The following CMTM2 variants were observed in gnomAD, a reference collection of about 807,000 sequenced individuals.
CMTM2 encodes the protein CKLF-like MARVEL transmembrane domain-containing protein 2.
CMTM2 carries 15 observed loss-of-function variants against 16.8 expected under a neutral mutation model. The observed-to-expected ratio is 0.89, with a 90% CI of 0.60 to 1.37. The LOEUF (loss-of-function observed/expected upper bound fraction) is 1.37. Among genes scored for constraint, CMTM2 ranks in the 40% most tolerant of loss-of-function variants. The probability of loss-of-function intolerance (pLI) is 0.00; values close to 1 mark genes in which losing one functional copy is unlikely to be tolerated. For synonymous variants in CMTM2, 117 were observed against 118.7 expected, an observed-to-expected ratio of 0.99 and a Z score of 0.09; for missense variants, 282 against 318.0, an observed-to-expected ratio of 0.89 and a Z score of 0.86.
intron 2 of CMTM2, among the ~76,000 whole-genome samples, chr16:66,585,425 T>C (rs2014782087): frequency 6.6e-6 from 1 of 152,212 alleles, no homozygotes; most frequent in African/African-American, 2.4e-5. Flanking sequence ...TAAATCTATA[T>C]TTCTCAATGT....
intron 2 of CMTM2, among the ~76,000 whole-genome samples, chr16:66,585,040 G>A (rs1013084640): frequency 4.7e-5 from 7 of 150,310 alleles, no homozygotes; most frequent in African/African-American, 9.9e-5. Flanking sequence ...TCTGCCTCCC[G>A]GGTTCAAGTG....
intron 1 of CMTM2, 24 bp from the exon 2 acceptor site, chr16:66,580,002 T>A: frequency 1.9e-6 from 3 of 1,614,042 alleles, no homozygotes; most frequent in Non-Finnish European, 2.5e-6. Context: ...TGCTGCTGGC[T>A]CAGGTGTCTA....
intron 2 of CMTM2, among the ~76,000 whole-genome samples, chr16:66,582,491 AG>A (rs2014746906): frequency 6.6e-6 from 1 of 152,212 alleles, no homozygotes; most frequent in Non-Finnish European, 1.5e-5. Flanking sequence ...CCTTTGGTCC[AG>A]GAGTTTGAGA....
rs111755516 is a variant in CMTM2 at position 66,582,045 on chromosome 16, A to G, written c.444+1861A>G. On this transcript the variant is annotated intron_variant, in intron 2 of 3. Coordinates refer to ENST00000268595, the MANE Select transcript of CMTM2 (RefSeq NM_144673.3). ...CAAAACTACTAAACACCTGATTTTA[A>G]AAAATCCCCATTACTAAGAATCAAC... is the stretch of plus-strand genomic sequence containing the variant. Among the ~76,000 whole-genome samples the G allele has an allele frequency of 7.8e-3, 1,189 of 152,316 alleles. 20 individuals carry two copies. Among genetic ancestry groups the G allele is most frequent in the African/African-American group, 0.027 (1,139 of 41,580 alleles).
intron 2 of CMTM2, among the ~76,000 whole-genome samples, chr16:66,585,651 G>A (rs545458914): frequency 6.6e-6 from 1 of 152,252 alleles, no homozygotes; most frequent in East Asian, 1.9e-4. Context: ...GAAGCGAGGG[G>A]GCTGCAGCTC....
At position 66,581,703 on chromosome 16, in the gene CMTM2, G is replaced by A. The variant is rs935722767; in HGVS notation, c.444+1519G>A. Among the ~76,000 whole-genome samples, 3 of 152,322 alleles carry A rather than the reference G, an allele frequency of 2.0e-5. No individual in the cohort carries two copies. The South Asian group carries it at 6.2e-4, about 32-fold the overall frequency. ...ATACCCTTCTTATTCCCAACACAGAGGAATAAGAAAACATGTTCATCTCTG... is the reference window on the plus strand; with the variant it reads ...ATACCCTTCTTATTCCCAACACAGAAGAATAAGAAAACATGTTCATCTCTG... On this transcript the variant is annotated intron_variant, in intron 2 of 3. Transcript: ENST00000268595.
intron 2 of CMTM2, among the ~76,000 whole-genome samples, chr16:66,581,026 G>A (rs2014728915): frequency 6.6e-6 from 1 of 152,122 alleles, no homozygotes; most frequent in Admixed American, 6.6e-5. Flanking sequence ...TACACATGAG[G>A]AAATTGGCCT....
At chr16:66,584,319 C>G (rs181822798) in intron 2 of CMTM2, among the ~76,000 whole-genome samples, 1 of 152,130 alleles carries the variant, frequency 6.6e-6, no homozygotes, top group Non-Finnish European at 1.5e-5. Context: ...CAGGTGTGAG[C>G]CACCACACCC....
At chr16:66,586,696 A>G (rs2014796957) in intron 2 of CMTM2, among the ~76,000 whole-genome samples, 2 of 152,158 alleles carry the variant, frequency 1.3e-5, no homozygotes, top group African/African-American at 4.8e-5. Context: ...GGGAGGAGAC[A>G]TAGGCAGAAA....
At position 66,588,046 on chromosome 16, in the gene CMTM2, AG is replaced by A; in HGVS notation, c.677del (p.Gly226AlafsTer32). On this transcript the variant is annotated frameshift_variant, in exon 4 of 4. Coordinates refer to ENST00000268595, the MANE Select transcript of CMTM2 (RefSeq NM_144673.3). LOFTEE classifies it low-confidence loss of function (END_TRUNC). ...PPPGKEKGPQ[Q>X]GKGPEPAKPP... ...CCAGGAAAGGAAAAAGGACCCCAGC[AG>A]GGCAAGGGACCAGAACCCGCCAAGC... 6.2e-7 allele frequency: 1 copy of A among 1,613,826 alleles called. No individual in the cohort carries two copies. Among genetic ancestry groups the A allele is most frequent in the Non-Finnish European group, 8.5e-7 (1 of 1,180,022 alleles).
In CMTM2 at chr16:66,579,860, T is replaced by C; in HGVS notation, c.253T>C (p.Leu85=). 6.2e-7 allele frequency: 1 copy of C among 1,613,958 alleles called. No homozygotes were observed. ...LKDSNKEFWL[L]GHAEIKIRSL... Reference sequence around the variant, plus strand: ...AGACAGCAATAAAGAGTTCTGGCTCTTGGGGCACGCTGAGATCAAGATTCG... The same window carrying C: ...AGACAGCAATAAAGAGTTCTGGCTCCTGGGGCACGCTGAGATCAAGATTCG... The change falls in exon 1 of 4, where the codon TTG becomes CTG. Residue 85 remains leucine (L), a synonymous_variant. Coordinates refer to ENST00000268595, the MANE Select transcript of CMTM2 (RefSeq NM_144673.3). The surrounding 1 kb of genome is among the most constrained non-coding windows in gnomAD (Gnocchi z 6.5).
In CMTM2 at chr16:66,588,002, G is replaced by C; in HGVS notation, c.630G>C (p.Lys210Asn). Residue 210 changes from lysine (K) to asparagine (N), a missense_variant, in exon 4 of 4, where the codon AAG (lysine) becomes AAC (asparagine). Lys to Asn is a moderately conservative substitution (Grantham distance 94). Coordinates refer to ENST00000268595, the MANE Select transcript of CMTM2 (RefSeq NM_144673.3). The stretch of plus-strand genomic sequence containing the variant: ...ACTTCAGAGGCAAGAAGGCCAAAAA[G>C]CATATGCTGGTTCCTCCTCCAGGAA... ...RNHFRGKKAK[K>N]HMLVPPPGKE... is the part of the protein sequence containing the mutation. The C allele has an allele frequency of 6.2e-7, 1 of 1,614,138 alleles. No homozygotes were observed. Among genetic ancestry groups the C allele is most frequent in the Non-Finnish European group, 8.5e-7 (1 of 1,180,026 alleles).
At chr16:66,587,177 G>A in intron 3 of CMTM2, 79 bp downstream of exon 3, 7 of 1,160,430 alleles carry the variant, frequency 6.0e-6, no homozygotes, top group Middle Eastern at 1.9e-4. Flanking sequence ...TCTGTTTAAG[G>A]AAAGGGCTTC....
At position 66,579,482 on chromosome 16, in the gene CMTM2, T is replaced by G; in HGVS notation, c.-126T>G. On this transcript the variant is annotated 5_prime_UTR_variant, in exon 1 of 4. Coordinates refer to ENST00000268595, the MANE Select transcript of CMTM2 (RefSeq NM_144673.3). This position sits in a 1 kb window ranked among gnomAD's most constrained non-coding sequence, Gnocchi z 6.5. ...GTTGGCATTCGGTGGTCCTGGCAGTTAGCTGAGCACGCCCTCTGAGCCGCT... is the reference window on the plus strand; with the variant it reads ...GTTGGCATTCGGTGGTCCTGGCAGTGAGCTGAGCACGCCCTCTGAGCCGCT... 1 of 1,188,794 alleles carries G rather than the reference T, an allele frequency of 8.4e-7. No individual in the cohort carries two copies. Among genetic ancestry groups the G allele is most frequent in the Non-Finnish European group, 1.2e-6 (1 of 851,218 alleles). The allele number at this position is 1,188,794 out of a possible 1,614,324, so 73.6% of individuals were successfully genotyped here.
At chr16:66,584,642 T>C (rs1476478278) in intron 2 of CMTM2, among the ~76,000 whole-genome samples, 6 of 152,012 alleles carry the variant, frequency 3.9e-5, no homozygotes, top group Admixed American at 3.9e-4. Flanking sequence ...AACTCAGAAA[T>C]AGATCTACAA....
chr16:66,581,247 AGCAGAGGACAAGGTAAAAGGACAG>A (rs2014733521), intron 2 of CMTM2, among the ~76,000 whole-genome samples: 1 of 151,846 alleles, frequency 6.6e-6, no homozygotes, highest in African/African-American at 2.4e-5. Flanking sequence ...AAAAGGGACA[AGCAGAGGACAAGGTAAAAGGACAG>A]GCAGAGGACA....
chr16:66,579,600 A>T lies in CMTM2; in HGVS notation c.-8A>T. On this transcript the variant is annotated 5_prime_UTR_variant, in exon 1 of 4. Transcript: ENST00000268595. This position sits in a 1 kb window ranked among gnomAD's most constrained non-coding sequence, Gnocchi z 6.5. ...CAGCTGTGAGAAGCCAAGGACACCG[A>T]GTCAGTCATGGCACCTAAGGCGGCA... The T allele has an allele frequency of 6.2e-7, 1 of 1,613,764 alleles. No individual in the cohort carries two copies. Among genetic ancestry groups the T allele is most frequent in the Non-Finnish European group, 8.5e-7 (1 of 1,179,960 alleles).
intron 3 of CMTM2, 104 bp downstream of exon 3, chr16:66,587,202 A>G: frequency 1.0e-6 from 1 of 963,890 alleles, no homozygotes; most frequent in Non-Finnish European, 1.6e-6. Context: ...TTTTCCACAA[A>G]AGTCTTGGGA....
rs1308985104 is a variant in CMTM2 at position 66,580,188 on chromosome 16, AGTAAGGG to A, written c.444+7_444+13del. On this transcript the variant is annotated splice_donor_5th_base_variant and intron_variant, in intron 2 of 3. Transcript: ENST00000268595. ...CTTCATCCTGTGGCCCATTTCTGTA[AGTAAGGG>A]GTGATGGGGAGTGCCTGCATCCAGA... The A allele has an allele frequency of 6.2e-7, 1 of 1,614,086 alleles. No homozygotes were observed. Among genetic ancestry groups the A allele is most frequent in the Admixed American group, 1.7e-5 (1 of 60,024 alleles).
Sources: gnomAD v4.1 joint callset for allele counts (sites outside exome capture counted in the v4.1 genomes callset) on GRCh38, gnomAD v4.1.1 for gene constraint, Gnocchi (gnomAD v3.1) non-coding constraint, MANE v1.5 for transcripts, NCBI Gene and HGNC (gene_info 2026-07-23, HGNC 2026-07-21) for gene names.